Variants in ARAP1 observed in about 807,000 individuals in gnomAD.
The protein encoded by ARAP1 is ArfGAP with RhoGAP domain, ankyrin repeat and PH domain 1.
ARAP1 carries 76 observed loss-of-function variants against 172.2 expected under a neutral mutation model. That is an observed-to-expected ratio of 0.44 (90% CI 0.37 to 0.53). The LOEUF is 0.53. Among genes scored for constraint, ARAP1 ranks in the 20% least tolerant of loss-of-function variants. The pLI, the probability that ARAP1 is intolerant of heterozygous loss-of-function variation, is 0.00. For synonymous variants in ARAP1, 804 were observed against 803.3 expected (o/e 1.00, Z -0.01); for missense variants, 1,686 against 1,977.5 (o/e 0.85, Z 2.80).
At chr11:72,722,496 C>G in intron 3 of ARAP1, 1 of 354,702 alleles carries the variant, frequency 2.8e-6, no homozygotes, top group Non-Finnish European at 4.0e-6. Flanking sequence ...TCCTGACTGA[C>G]AAGCCCTGGC....
chr11:72,740,400 AAG>A (rs1453991293), intron 1 of ARAP1, among the ~76,000 whole-genome samples: 6 of 152,188 alleles, frequency 3.9e-5, no homozygotes, highest in African/African-American at 1.2e-4. Context: ...CCAATCTTGA[AAG>A]ACTTTCACTT....
At chr11:72,706,124 T>G (rs531837101) in intron 12 of ARAP1, among the ~76,000 whole-genome samples, 8 of 152,284 alleles carry the variant, frequency 5.3e-5, no homozygotes, top group South Asian at 4.1e-4. Flanking sequence ...ACTGGCCCCC[T>G]GGAACCATGC....
rs371443460 is a variant in ARAP1, at chr11:72,713,230, G to A, written c.693C>T (p.Tyr231=). ...CCGGCCCCTCCTCTGGGACCTCATC[G>A]TAGTCAGAGTCATCTGGTGAGAGAG... is the stretch of plus-strand genomic sequence containing the variant. The part of the protein sequence containing the change: ...RLFPEFDDSD[Y]DEVPEEGPGA... The change falls in exon 5 of 35, where the codon TAC becomes TAT. Residue 231 remains tyrosine (Y), a synonymous_variant. Transcript: ENST00000393609. The A allele has an allele frequency of 2.6e-5, 42 of 1,613,910 alleles. No individual in the cohort carries two copies. Among genetic ancestry groups the A allele is most frequent in the East Asian group, 1.3e-4 (6 of 44,888 alleles).
chr11:72,703,190 A>G (rs1856577677), intron 14 of ARAP1, 111 bp from the exon 15 acceptor site: 1 of 1,098,346 alleles, frequency 9.1e-7, no homozygotes, highest in South Asian at 1.7e-5. Flanking sequence ...GGCCTGGAGC[A>G]GTCCATCCTC....
intron 30 of ARAP1, among the ~76,000 whole-genome samples, chr11:72,692,543 C>A (rs577176733): frequency 6.6e-6 from 1 of 152,286 alleles, no homozygotes; most frequent in East Asian, 1.9e-4. Context: ...TGATAAGGAA[C>A]CCTATATTGG....
At position 72,693,230 on chromosome 11, in the gene ARAP1, C is replaced by G. The variant is rs938377247; in HGVS notation, c.3954+95G>C. 1 of 1,513,422 alleles carries G rather than the reference C, an allele frequency of 6.6e-7. No homozygotes were observed. The highest frequency in any genetic ancestry group is 1.9e-5 in the Admixed American group (1 of 53,934). 93.7% of individuals were successfully genotyped at this position (1,513,422 alleles called of 1,614,324 possible). A position where few individuals can be genotyped will look rare whatever the true frequency, so the allele number is the denominator to read the frequency against. On this transcript the variant is annotated intron_variant, in intron 29 of 34. Coordinates refer to ENST00000393609, the MANE Select transcript of ARAP1 (RefSeq NM_001040118.3). This position sits in a 1 kb window ranked among gnomAD's most constrained non-coding sequence, Gnocchi z 4.6. ...GCTGTGCCATCCTGAGAGCCTGTAA[C>G]GGGAATATTTCCACTTGCAGACCAA...
Position 72,695,669 on chromosome 11 carries a change from T to C in ARAP1, c.3421-41A>G. ...AGGCAGGGACAGGTGGTCACCGTCA[T>C]CTGCAAGGATCACCCCTGCCCTCCA... On this transcript the variant is annotated intron_variant, in intron 24 of 34. Transcript: ENST00000393609. This position sits in a 1 kb window ranked among gnomAD's most constrained non-coding sequence, Gnocchi z 4.4. 6.2e-7 allele frequency: 1 copy of C among 1,614,100 alleles called. No homozygotes were observed. The highest frequency in any genetic ancestry group is 8.5e-7 in the Non-Finnish European group (1 of 1,179,990).
In ARAP1 at chr11:72,697,180, C is replaced by A; in HGVS notation, c.2969G>T (p.Gly990Val). ...YITQCGLTSE[G>V]IYRKCGQTSK... ...TGTCTGCCCACACTTGCGGTAGATG[C>A]CCTCGGAGGTCAGGCCTAGGGAGGG... Residue 990 changes from glycine (G) to valine (V), a missense_variant, in exon 22 of 35, where the codon GGC becomes GTC. Physicochemically the swap from Gly to Val is moderately radical, Grantham distance 109. This residue lies in a region of ARAP1 where 274 missense variants were observed against 262.7 expected (regional missense o/e 1.04). Coordinates refer to ENST00000393609, the MANE Select transcript of ARAP1 (RefSeq NM_001040118.3). 1 of 1,602,532 alleles carries A rather than the reference C, an allele frequency of 6.2e-7. No homozygotes were observed.
intron 11 of ARAP1, among the ~76,000 whole-genome samples, chr11:72,708,925 T>C (rs1454954526): frequency 6.6e-6 from 1 of 151,676 alleles, no homozygotes; most frequent in Non-Finnish European, 1.5e-5. Flanking sequence ...TAATCCCAGC[T>C]ACTTGGGGAG....
chr11:72,704,065 G>C, intron 14 of ARAP1, 87 bp downstream of exon 14: 1 of 1,530,602 alleles, frequency 6.5e-7, no homozygotes, highest in South Asian at 1.2e-5. Flanking sequence ...TGAGCTGGTA[G>C]ATGAGATGGG....
At position 72,704,149 on chromosome 11, in the gene ARAP1, G is replaced by T; in HGVS notation, c.1992+3C>A. The T allele has an allele frequency of 6.2e-7, 1 of 1,614,110 alleles. No homozygotes were observed. Among genetic ancestry groups the T allele is most frequent in the South Asian group, 1.1e-5 (1 of 91,064 alleles). ...AGGGGCCCCAGAGCTGCAGTGCCCT[G>T]ACCTTGTCCAGCTCCTCCTGGTTGC... is the stretch of plus-strand genomic sequence containing the variant. On this transcript the variant is annotated splice_donor_region_variant and intron_variant, in intron 14 of 34. Transcript: ENST00000393609.
Position 72,712,902 on chromosome 11 carries a change from C to T in ARAP1, c.747+274G>A, listed in dbSNP as rs540085892. ...GAGACAGACACTCCGGGACAGGACA[C>T]GAGTTCCTAACACACAGGGTGGGGG... On this transcript the variant is annotated intron_variant, in intron 5 of 34. Coordinates refer to ENST00000393609, the MANE Select transcript of ARAP1 (RefSeq NM_001040118.3). 5.9e-4 allele frequency: 352 copies of T among 596,988 alleles called. 2 individuals are homozygous for T. The highest frequency in any genetic ancestry group is 5.2e-3 in the African/African-American group (279 of 53,924). The allele number at this position is 596,988 out of a possible 1,614,324, so 37.0% of individuals were successfully genotyped here. A position where few individuals can be genotyped will look rare whatever the true frequency, so the allele number is the denominator to read the frequency against.
Position 72,741,577 on chromosome 11 carries a change from T to C in ARAP1, c.-127-8980A>G, listed in dbSNP as rs1858200150. Among the ~76,000 whole-genome samples the C allele has an allele frequency of 6.6e-6, 1 of 152,074 alleles. No homozygotes were observed. Among genetic ancestry groups the C allele is most frequent in the South Asian group, 2.1e-4 (1 of 4,832 alleles). ...GCAGCCTGAGGAGCCACAGGATGACTCCAGGAAGATCCTCCTGTGACCACT... is the reference window on the plus strand; with the variant it reads ...GCAGCCTGAGGAGCCACAGGATGACCCCAGGAAGATCCTCCTGTGACCACT... On this transcript the variant is annotated intron_variant, in intron 1 of 34. Coordinates refer to ENST00000393609, the MANE Select transcript of ARAP1 (RefSeq NM_001040118.3). This position sits in a 1 kb window ranked among gnomAD's most constrained non-coding sequence, Gnocchi z 4.5.
rs747772417 is a variant in ARAP1 at position 72,698,105 on chromosome 11, G to A, written c.2543C>T (p.Ala848Val). 18 of 1,591,532 alleles carry A rather than the reference G, an allele frequency of 1.1e-5. No homozygotes were observed. In the South Asian group the frequency reaches 1.4e-4, roughly 12 times the overall value. ...AHEWVKCIAK[A>V]FVPPLAEDLL... Reference sequence around the variant, plus strand: ...ATCCTCGGCTAGGGGAGGCACGAATGCCTGGCAGAGAGGCGCCGGGGGAGA... The same window carrying A: ...ATCCTCGGCTAGGGGAGGCACGAATACCTGGCAGAGAGGCGCCGGGGGAGA... Residue 848 changes from alanine (A) to valine (V), a missense_variant and splice_region_variant, in exon 19 of 35, where the codon GCA (alanine) becomes GTA (valine). Ala to Val is a moderately conservative substitution (Grantham distance 64). Around this residue, in one of 5 missense-constraint regions of ARAP1, gnomAD observed 688 missense variants for 856.9 expected, o/e 0.80. Coordinates refer to ENST00000393609, the MANE Select transcript of ARAP1 (RefSeq NM_001040118.3).
At chr11:72,711,365 C>CG in intron 8 of ARAP1, 65 bp downstream of exon 8, 1 of 1,559,564 alleles carries the variant, frequency 6.4e-7, no homozygotes, top group South Asian at 1.1e-5. Context: ...GACGCCACCT[C>CG]GCTCCAGTGT....
Position 72,710,344 on chromosome 11 carries a change from G to A in ARAP1, c.1416+41C>T. ...CCTAGGTCAGCCTGGGGCAGGGTAG[G>A]TGGACATGGGCAGGGGAGAGGTTCC... On this transcript the variant is annotated intron_variant, in intron 10 of 34. Coordinates refer to ENST00000393609, the MANE Select transcript of ARAP1 (RefSeq NM_001040118.3). The surrounding 1 kb of genome is among the most constrained non-coding windows in gnomAD (Gnocchi z 4.3). 6.2e-7 allele frequency: 1 copy of A among 1,608,508 alleles called. No individual in the cohort carries two copies.
At chr11:72,737,673 A>G (rs1013461744) in intron 1 of ARAP1, among the ~76,000 whole-genome samples, 1 of 150,382 alleles carries the variant, frequency 6.6e-6, no homozygotes, top group African/African-American at 2.5e-5. Flanking sequence ...CCCAGGCTGG[A>G]GTGCAGTGGT....
chr11:72,686,252 G>C, intron 33 of ARAP1, 61 bp from the exon 34 acceptor site: 3 of 1,560,708 alleles, frequency 1.9e-6, no homozygotes, highest in East Asian at 2.3e-5. Flanking sequence ...CTCAGCCTCA[G>C]ATCTGCCCAC....
intron 3 of ARAP1, among the ~76,000 whole-genome samples, chr11:72,719,915 A>G (rs929068026): frequency 1.3e-5 from 2 of 152,146 alleles, no homozygotes; most frequent in African/African-American, 4.8e-5. Flanking sequence ...TAAAAAGCCC[A>G]AATCATACAT....
Sources: gnomAD v4.1 joint callset for allele counts (sites outside exome capture counted in the v4.1 genomes callset) on GRCh38, gnomAD v4.1.1 for gene constraint, gnomAD v4.1.1 regional missense constraint, Gnocchi (gnomAD v3.1) non-coding constraint, MANE v1.5 for transcripts, NCBI Gene and HGNC (gene_info 2026-07-23, HGNC 2026-07-21) for gene names.